ADGRB1: variants seen among roughly 807,000 people sequenced by gnomAD.
The protein encoded by ADGRB1 is brain-specific angiogenesis inhibitor 1.
A neutral mutation model predicts 175.7 loss-of-function variants in ADGRB1; 36 were observed. The observed-to-expected ratio is 0.20, with a 90% confidence interval of 0.16 to 0.27. ADGRB1 has a LOEUF of 0.27. ADGRB1 is among the 10% of genes least tolerant of loss of function. ADGRB1 has a pLI of 1.00. For missense variants in ADGRB1, 1,731 were observed against 2,255.3 expected, an observed-to-expected ratio of 0.77 and a Z score of 4.71; for synonymous variants, 1,054 against 979.4, an observed-to-expected ratio of 1.08 and a Z score of -1.42.
At chr8:142,524,329 C>G in intron 23 of ADGRB1, 25 bp downstream of exon 23, 1 of 1,563,442 alleles carries the variant, frequency 6.4e-7, no homozygotes, top group Non-Finnish European at 8.6e-7. Context: ...AGGCCCCACT[C>G]CCCACGACCC....
chr8:142,481,493 A>G, intron 10 of ADGRB1, 24 bp from the exon 11 acceptor site: 1 of 1,570,118 alleles, frequency 6.4e-7, no homozygotes, highest in Non-Finnish European at 8.7e-7. Flanking sequence ...AGGTGAAGGC[A>G]CCCGCCCTCT....
intron 1 of ADGRB1, among the ~76,000 whole-genome samples, chr8:142,458,530 C>T (rs1839801223): frequency 6.6e-6 from 1 of 152,132 alleles, no homozygotes; most frequent in Non-Finnish European, 1.5e-5. Context: ...GTGCCCTCTT[C>T]CCCACGCTGT....
rs577216483 is a variant in ADGRB1 at position 142,463,988 on chromosome 8, G to C, written c.-211G>C. The C allele has an allele frequency of 7.9e-6, 3 of 379,680 alleles. No homozygotes were observed. The highest frequency in any genetic ancestry group is 6.3e-5 in the African/African-American group (3 of 47,494). The allele number at this position is 379,680 out of a possible 1,614,324, so 23.5% of individuals were successfully genotyped here. A position where few individuals can be genotyped will look rare whatever the true frequency, so the allele number is the denominator to read the frequency against. ...TGCTCTTTCTCTTCCAGCTGCTGCT[G>C]GTGGCCACAGGCTGGCACCAGGGCC... On this transcript the variant is annotated 5_prime_UTR_variant, in exon 2 of 31. Transcript: ENST00000517894.
In ADGRB1 at chr8:142,541,982, A is replaced by G; in HGVS notation, c.3748A>G (p.Thr1250Ala). The change falls in exon 28 of 31, where the codon ACG becomes GCG. Residue 1250 changes from threonine (T) to alanine (A), a missense_variant. Physicochemically the swap from Thr to Ala is moderately conservative, Grantham distance 58 (BLOSUM62 0). Coordinates refer to ENST00000517894, the MANE Select transcript of ADGRB1 (RefSeq NM_001702.3). ...CGCGGCCTGCCGCACTGCCACCATC[A>G]CGGGCACACTGAAGCGGCCGTCTCT... ...DIAACRTATI[T>A]GTLKRPSLPE... 3 of 1,580,684 alleles carry G rather than the reference A, an allele frequency of 1.9e-6. No homozygotes were observed. The highest frequency in any genetic ancestry group is 2.6e-6 in the Non-Finnish European group (3 of 1,165,692).
rs139684806 is a variant in ADGRB1 at position 142,474,375 on chromosome 8, C to T, written c.785-1099C>T. Among the ~76,000 whole-genome samples, 800 of 152,292 alleles carry T rather than the reference C, an allele frequency of 5.3e-3. 5 individuals are homozygous for T. The highest frequency in any genetic ancestry group is 0.018 in the African/African-American group (733 of 41,556). On this transcript the variant is annotated intron_variant, in intron 2 of 30. Coordinates refer to ENST00000517894, the MANE Select transcript of ADGRB1 (RefSeq NM_001702.3). This position sits in a 1 kb window ranked among gnomAD's most constrained non-coding sequence, Gnocchi z 5.8. ...TGGCCGCCAGCTGTCTCCTCGCCAC[C>T]GTAGCCAGGAGCAGCACTTGGCAAG... is the stretch of plus-strand genomic sequence containing the variant.
At position 142,542,369 on chromosome 8, in the gene ADGRB1, C is replaced by T; in HGVS notation, c.4135C>T (p.His1379Tyr). Residue 1379 changes from histidine (H) to tyrosine (Y), a missense_variant, in exon 28 of 31, where the codon CAC (histidine) becomes TAC (tyrosine). Transcript: ENST00000517894. The surrounding 1 kb of genome is among the most constrained non-coding windows in gnomAD (Gnocchi z 6.3). Reference sequence around the variant, plus strand: ...CCAGATGCCGCAGACCCGCCTCATCCACCTCAGCACGGCCCCCGAGGCCAG... The same window carrying T: ...CCAGATGCCGCAGACCCGCCTCATCTACCTCAGCACGGCCCCCGAGGCCAG... The part of the protein sequence containing the change: ...IDQMPQTRLI[H>Y]LSTAPEASLP... 1 of 1,589,842 alleles carries T rather than the reference C, an allele frequency of 6.3e-7. No homozygotes were observed.
At chr8:142,505,761 G>A (rs1842818697) in intron 17 of ADGRB1, among the ~76,000 whole-genome samples, 1 of 152,158 alleles carries the variant, frequency 6.6e-6, no homozygotes, top group Non-Finnish European at 1.5e-5. Flanking sequence ...AATGACTGGT[G>A]CCCTGGGAAG....
At chr8:142,529,808 A>G (rs1037691570) in intron 24 of ADGRB1, among the ~76,000 whole-genome samples, 1 of 149,364 alleles carries the variant, frequency 6.7e-6, no homozygotes, top group South Asian at 2.2e-4. Context: ...GTGAGTGTGC[A>G]TCTGTGTGAG....
At chr8:142,521,872 G>GCTGGGTC in intron 20 of ADGRB1, 93 bp from the exon 21 acceptor site, 1 of 1,443,870 alleles carries the variant, frequency 6.9e-7, no homozygotes, top group Middle Eastern at 2.4e-4. Context: ...GGTGCTGGGT[G>GCTGGGTC]CTGGGCTGCC....
At chr8:142,495,034 A>G (rs888365265) in intron 17 of ADGRB1, among the ~76,000 whole-genome samples, 4 of 152,118 alleles carry the variant, frequency 2.6e-5, no homozygotes, top group Non-Finnish European at 4.4e-5. Flanking sequence ...TCATGTCTGT[A>G]TCCCTAGAAT....
intron 1 of ADGRB1, among the ~76,000 whole-genome samples, chr8:142,459,267 A>C (rs972469880): frequency 6.6e-6 from 1 of 152,166 alleles, no homozygotes; most frequent in Non-Finnish European, 1.5e-5. Context: ...ATTTTGAGGG[A>C]CCAGGGCCAG....
intron 18 of ADGRB1, among the ~76,000 whole-genome samples, chr8:142,516,329 A>ATGTGTGTG (rs1587389918): frequency 1.9e-5 from 1 of 53,120 alleles, no homozygotes; most frequent in Non-Finnish European, 3.3e-5. Flanking sequence ...CCCCAGGTGC[A>ATGTGTGTG]TGCGTGTGTG....
intron 17 of ADGRB1, among the ~76,000 whole-genome samples, chr8:142,508,631 C>CT (rs1223720333): frequency 6.6e-6 from 1 of 152,208 alleles, no homozygotes; most frequent in Admixed American, 6.5e-5. Flanking sequence ...GCCTGGGTCC[C>CT]TGGCCGCCAT....
rs369956144 is a variant in ADGRB1 at position 142,516,310 on chromosome 8, G to A, written c.2818-1828G>A. ...GTGTGTGGGCCCCAGGTGCATGCGT[G>A]TGTGCGGGCCCCAGGTGCATGCGTG... On this transcript the variant is annotated intron_variant, in intron 18 of 30. Transcript: ENST00000517894. 6.2e-4 allele frequency among the ~76,000 whole-genome samples: 88 copies of A among 142,650 alleles called. No individual in the cohort carries two copies. The East Asian group carries it at 0.015, about 25-fold the overall frequency. 93.6% of individuals were successfully genotyped at this position (142,650 alleles called of 152,430 possible). A position where few individuals can be genotyped will look rare whatever the true frequency, so the allele number is the denominator to read the frequency against.
At chr8:142,454,943 G>A (rs989438025) in intron 1 of ADGRB1, among the ~76,000 whole-genome samples, 1 of 152,090 alleles carries the variant, frequency 6.6e-6, no homozygotes, top group South Asian at 2.1e-4. Flanking sequence ...TGCCTGGAGG[G>A]ACCGGTGGAG....
At chr8:142,502,047 AT>A (rs1842593512) in intron 17 of ADGRB1, among the ~76,000 whole-genome samples, 1 of 20,618 alleles carries the variant, frequency 4.9e-5, no homozygotes, top group African/African-American at 1.8e-4. Context: ...GGTGGTGGTG[AT>A]GGTGGTCGGG....
In ADGRB1 at chr8:142,485,241, C is replaced by T. The variant is rs568871113; in HGVS notation, c.2308+477C>T. Among the ~76,000 whole-genome samples the T allele has an allele frequency of 1.3e-3, 192 of 152,324 alleles. 2 individuals are homozygous for T. The Middle Eastern group carries it at 0.024, about 19-fold the overall frequency. On this transcript the variant is annotated intron_variant, in intron 13 of 30. Transcript: ENST00000517894. ...TGCCCATCTCATGGGGAGGTAGAGA[C>T]TGATGAGACGAGTGAGTGGCTGAAT... is the stretch of plus-strand genomic sequence containing the variant.
chr8:142,500,264 CCACGCGCCGCTCCTCCACCTCCCCA>C (rs1842434099), intron 17 of ADGRB1, among the ~76,000 whole-genome samples: 1 of 114,612 alleles, frequency 8.7e-6, no homozygotes, highest in African/African-American at 3.0e-5. Flanking sequence ...CTCCACCTCC[CCACGCGCCGCTCCTCCACCTCCCCA>C]CGCGCCGCTC....
chr8:142,539,308 G>T lies in ADGRB1; in HGVS notation c.3667-66G>T, dbSNP rs1845123811. The T allele has an allele frequency of 2.6e-6, 4 of 1,523,886 alleles. No individual in the cohort carries two copies. The Admixed American group carries it at 7.9e-5, about 30-fold the overall frequency. 94.4% of individuals were successfully genotyped at this position (1,523,886 alleles called of 1,614,324 possible). Reference sequence around the variant, plus strand: ...GCACCGTGGCCCTCCCGAGCGGTCTGTGCACGCGTGCACACACCCCCGCTC... The same window carrying T: ...GCACCGTGGCCCTCCCGAGCGGTCTTTGCACGCGTGCACACACCCCCGCTC... On this transcript the variant is annotated intron_variant, in intron 26 of 30. Coordinates refer to ENST00000517894, the MANE Select transcript of ADGRB1 (RefSeq NM_001702.3).
Sources: allele counts gnomAD v4.1 joint callset (sites outside exome capture counted in the v4.1 genomes callset), GRCh38; gene constraint gnomAD v4.1.1; non-coding constraint Gnocchi (gnomAD v3.1); transcripts MANE v1.5; gene names NCBI Gene and HGNC (gene_info 2026-07-23, HGNC 2026-07-21).